The following NCEH1 variants were observed in gnomAD, a reference collection of about 807,000 sequenced individuals.
NCEH1 encodes the protein neutral cholesterol ester hydrolase 1.
Under a neutral mutation model 25.4 loss-of-function variants are expected in NCEH1, and 9 were observed. That is an observed-to-expected ratio of 0.35 (90% CI 0.21 to 0.62). The LOEUF (loss-of-function observed/expected upper bound fraction) is 0.62. Among genes scored for constraint, NCEH1 ranks in the 20% least tolerant of loss-of-function variants. NCEH1 has a pLI of 0.72. For missense variants in NCEH1, 412 were observed against 501.1 expected (o/e 0.82, Z 1.70); for synonymous variants, 200 against 199.8 (o/e 1.00, Z -0.01).
At chr3:172,688,286 C>A (rs991729630) in intron 1 of NCEH1, among the ~76,000 whole-genome samples, 10 of 134,472 alleles carry the variant, frequency 7.4e-5, no homozygotes, top group African/African-American at 2.6e-4. Flanking sequence ...GCCGAGATCA[C>A]GTCACTGCAC....
chr3:172,683,507 C>CA (rs955765856), intron 1 of NCEH1, among the ~76,000 whole-genome samples: 22 of 149,438 alleles, frequency 1.5e-4, no homozygotes, highest in East Asian at 4.0e-4. Flanking sequence ...TCTGTCTCTA[C>CA]AAAAAAAATA....
chr3:172,697,809 A>C (rs1209080326), intron 1 of NCEH1, among the ~76,000 whole-genome samples: 1 of 152,212 alleles, frequency 6.6e-6, no homozygotes. Context: ...TGAAGAAGTT[A>C]CTTAACTTTG....
intron 1 of NCEH1, among the ~76,000 whole-genome samples, chr3:172,688,642 A>G (rs945288059): frequency 1.3e-5 from 2 of 152,198 alleles, no homozygotes; most frequent in Admixed American, 6.5e-5. Flanking sequence ...ATATCTTTAT[A>G]TGAAAGAAAG....
intron 3 of NCEH1, among the ~76,000 whole-genome samples, chr3:172,640,492 C>A (rs956502227): frequency 2.4e-4 from 36 of 151,880 alleles, no homozygotes; most frequent in African/African-American, 8.4e-4. Context: ...TCCCTGCCCC[C>A]TTTATTTATT....
At chr3:172,690,932 T>C (rs1712999255) in intron 1 of NCEH1, among the ~76,000 whole-genome samples, 1 of 152,128 alleles carries the variant, frequency 6.6e-6, no homozygotes, top group Non-Finnish European at 1.5e-5. Context: ...CAGTTCTAAT[T>C]TGCTAAAGAA....
At chr3:172,676,387 C>T (rs959674629) in intron 1 of NCEH1, among the ~76,000 whole-genome samples, 1 of 152,088 alleles carries the variant, frequency 6.6e-6, no homozygotes, top group Non-Finnish European at 1.5e-5. Context: ...GTCATGGCTA[C>T]CTCCAGATAA....
chr3:172,633,807 T>C lies in NCEH1; in HGVS notation c.895A>G (p.Asn299Asp). 1 of 1,614,184 alleles carries C rather than the reference T, an allele frequency of 6.2e-7. No homozygotes were observed. Among genetic ancestry groups the C allele is most frequent in the Middle Eastern group, 1.6e-4 (1 of 6,062 alleles). Residue 299 changes from asparagine (N) to aspartate (D), a missense_variant, in exon 5 of 5, where the codon AAC (asparagine) becomes GAC (aspartate). By Grantham distance (23) the Asn-to-Asp change is conservative (BLOSUM62 1). Around this residue, in one of 3 missense-constraint regions of NCEH1, gnomAD observed 210 missense variants for 258.2 expected, o/e 0.81. Coordinates refer to ENST00000475381, the MANE Select transcript of NCEH1 (RefSeq NM_020792.6). ...GTGGTCTGTACAACAGGCTTGTAGT[T>C]CTTTGTGAAGGATGCAGGCAAGAGG... is the stretch of plus-strand genomic sequence containing the variant. ...TSLLPASFTK[N>D]YKPVVQTTGN...
chr3:172,701,616 G>GTTTTTTTTTTT (rs60219751), intron 1 of NCEH1, among the ~76,000 whole-genome samples: 506 of 110,680 alleles, frequency 4.6e-3, no homozygotes, highest in African/African-American at 9.5e-3. Flanking sequence ...TGCCCAGCTA[G>GTTTTTTTTTTT]TTTTTTTTTT....
chr3:172,683,398 G>A (rs1315407727), intron 1 of NCEH1, among the ~76,000 whole-genome samples: 2 of 109,340 alleles, frequency 1.8e-5, no homozygotes, highest in African/African-American at 3.7e-5. Context: ...GCGAGACTCC[G>A]TCTCAAAAAA....
At chr3:172,634,181 CTG>C (rs761327926) in intron 4 of NCEH1, 89 bp from the exon 5 acceptor site, 13 of 1,231,118 alleles carry the variant, frequency 1.1e-5, no homozygotes, top group Non-Finnish European at 1.5e-5. Flanking sequence ...ATGTGTTACT[CTG>C]AATCTGTCAA....
intron 1 of NCEH1, among the ~76,000 whole-genome samples, chr3:172,669,703 A>AT (rs570182668): frequency 6.6e-6 from 1 of 152,050 alleles, no homozygotes; most frequent in Non-Finnish European, 1.5e-5. Flanking sequence ...CACCCAACTA[A>AT]TTTTTGTATT....
chr3:172,642,557 T>G (rs1282907857), intron 3 of NCEH1, among the ~76,000 whole-genome samples: 1 of 135,142 alleles, frequency 7.4e-6, no homozygotes, highest in Non-Finnish European at 1.5e-5. Context: ...AAAGTGCTCT[T>G]GGGTTAGCCT....
intron 2 of NCEH1, among the ~76,000 whole-genome samples, chr3:172,647,562 T>C (rs1426318590): frequency 6.6e-6 from 1 of 152,190 alleles, no homozygotes; most frequent in Admixed American, 6.5e-5. Context: ...GAAAGCTGTA[T>C]CAGCACTGCA....
At chr3:172,639,390 A>C (rs1716747889) in intron 3 of NCEH1, among the ~76,000 whole-genome samples, 1 of 152,298 alleles carries the variant, frequency 6.6e-6, no homozygotes, top group Middle Eastern at 3.4e-3. Flanking sequence ...GAACTTTCAA[A>C]GTAGCTTGAA....
intron 1 of NCEH1, 106 bp from the exon 2 acceptor site, chr3:172,648,220 T>C: frequency 7.6e-7 from 1 of 1,314,628 alleles, no homozygotes; most frequent in Admixed American, 2.1e-5. Context: ...CAGCTGCCAC[T>C]GGACTGGAGG....
chr3:172,644,378 C>T (rs560111220), intron 3 of NCEH1, among the ~76,000 whole-genome samples: 5 of 152,216 alleles, frequency 3.3e-5, no homozygotes, highest in East Asian at 1.9e-4. Context: ...AAGGAGGTGG[C>T]GCACCATGAA....
chr3:172,643,089 C>T (rs138251536), intron 3 of NCEH1, among the ~76,000 whole-genome samples: 3,398 of 152,206 alleles, frequency 0.022, 298 homozygotes, highest in East Asian at 0.2. Flanking sequence ...CAGGCATGCA[C>T]CACCATGCCA....
intron 1 of NCEH1, among the ~76,000 whole-genome samples, chr3:172,680,298 G>A (rs1435827980): frequency 6.6e-6 from 1 of 152,320 alleles, no homozygotes; most frequent in East Asian, 1.9e-4. Flanking sequence ...AACTCAGGTA[G>A]AACATCTGAA....
At chr3:172,688,735 A>G (rs1227090344) in intron 1 of NCEH1, among the ~76,000 whole-genome samples, 1 of 152,212 alleles carries the variant, frequency 6.6e-6, no homozygotes, top group Non-Finnish European at 1.5e-5. Context: ...TAGGCTATTT[A>G]TAACAGTGTT....
Sources: allele counts gnomAD v4.1 joint callset (sites outside exome capture counted in the v4.1 genomes callset), GRCh38; gene constraint gnomAD v4.1.1; regional missense constraint gnomAD v4.1.1; transcripts MANE v1.5; gene names NCBI Gene and HGNC (gene_info 2026-07-23, HGNC 2026-07-21).